FAM227B: variants seen among roughly 807,000 people sequenced by gnomAD.
FAM227B encodes the protein protein FAM227B.
Under a neutral mutation model 73.8 loss-of-function variants are expected in FAM227B, and 88 were observed. The observed-to-expected ratio is 1.19, with a 90% CI of 1.00 to 1.42. FAM227B has a LOEUF of 1.42. FAM227B is among the 40% of genes most tolerant of loss of function. The pLI is 0.00. For synonymous variants in FAM227B, 210 were observed against 190.5 expected, an observed-to-expected ratio of 1.10 and a Z score of -0.84; for missense variants, 632 against 590.9, an observed-to-expected ratio of 1.07 and a Z score of -0.72.
chr15:49,331,997 G>A (rs1370173989), intron 14 of FAM227B, 148 bp from the exon 15 acceptor site: 1 of 613,984 alleles, frequency 1.6e-6, no homozygotes, highest in Non-Finnish European at 2.9e-6. Context: ...TAAAACTTCT[G>A]AAGTAGGTAC....
chr15:49,461,659 A>G (rs1236899491), intron 11 of FAM227B, among the ~76,000 whole-genome samples: 5 of 152,234 alleles, frequency 3.3e-5, no homozygotes, highest in Admixed American at 2.6e-4. Context: ...CAGGTACAAT[A>G]TGTACATTCT....
intron 7 of FAM227B, among the ~76,000 whole-genome samples, chr15:49,575,469 A>C (rs2075386844): frequency 6.6e-6 from 1 of 152,060 alleles, no homozygotes; most frequent in Non-Finnish European, 1.5e-5. Flanking sequence ...TTTTCATCAG[A>C]AGTACTAGAT....
intron 8 of FAM227B, among the ~76,000 whole-genome samples, chr15:49,573,777 A>G (rs528563419): frequency 1.3e-5 from 2 of 152,332 alleles, no homozygotes; most frequent in South Asian, 4.1e-4. Context: ...ATAAATGTCA[A>G]TTAGTCAAGT....
At chr15:49,401,109 A>G (rs2048108553) in intron 11 of FAM227B, among the ~76,000 whole-genome samples, 1 of 152,282 alleles carries the variant, frequency 6.6e-6, no homozygotes, top group Admixed American at 6.5e-5. Context: ...CATCTGACAA[A>G]GGGCTAATAT....
intron 11 of FAM227B, among the ~76,000 whole-genome samples, chr15:49,497,530 C>T (rs1396778071): frequency 6.6e-6 from 1 of 152,192 alleles, no homozygotes; most frequent in African/African-American, 2.4e-5. Flanking sequence ...GAGGCACTCA[C>T]TGACCACTAA....
intron 5 of FAM227B, among the ~76,000 whole-genome samples, chr15:49,584,872 A>G (rs1218322574): frequency 1.3e-5 from 2 of 152,182 alleles, no homozygotes; most frequent in African/African-American, 4.8e-5. Flanking sequence ...GCTTCTGCAC[A>G]GCAAAAGAAA....
chr15:49,509,016 T>C (rs2058783938), intron 10 of FAM227B, among the ~76,000 whole-genome samples: 1 of 152,030 alleles, frequency 6.6e-6, no homozygotes, highest in African/African-American at 2.4e-5. Flanking sequence ...GGGAGAACTG[T>C]GGGGGAGAGT....
chr15:49,430,267 G>C lies in FAM227B; in HGVS notation c.1013-58868C>G, dbSNP rs569918939. Reference sequence around the variant, plus strand: ...CAGCCTCACAATGACAGGCAGGTCTGCATCTCTTCTGACACTTTAAAGTGG... The same window carrying C: ...CAGCCTCACAATGACAGGCAGGTCTCCATCTCTTCTGACACTTTAAAGTGG... On this transcript the variant is annotated intron_variant, in intron 11 of 15. Transcript: ENST00000299338. Among the ~76,000 whole-genome samples, 3 of 152,020 alleles carry C rather than the reference G, an allele frequency of 2.0e-5. No individual in the cohort carries two copies. In the East Asian group the frequency reaches 5.8e-4, roughly 30 times the overall value.
chr15:49,389,991 T>G (rs948689367), intron 11 of FAM227B, among the ~76,000 whole-genome samples: 1 of 151,950 alleles, frequency 6.6e-6, no homozygotes, highest in Non-Finnish European at 1.5e-5. Context: ...CTATGGAGAG[T>G]GTGGTAATCA....
At chr15:49,548,546 T>C (rs2072302708) in intron 9 of FAM227B, among the ~76,000 whole-genome samples, 1 of 152,170 alleles carries the variant, frequency 6.6e-6, no homozygotes. Flanking sequence ...GTAGAATGAG[T>C]TTGGGAGTAT....
At chr15:49,520,369 A>C (rs1430201382) in intron 10 of FAM227B, among the ~76,000 whole-genome samples, 1 of 152,118 alleles carries the variant, frequency 6.6e-6, no homozygotes, top group Non-Finnish European at 1.5e-5. Flanking sequence ...TGAGCCCTCC[A>C]AACTGTTTCA....
chr15:49,405,132 A>T (rs1487666585), intron 11 of FAM227B, among the ~76,000 whole-genome samples: 1 of 152,106 alleles, frequency 6.6e-6, no homozygotes, highest in Admixed American at 6.5e-5. Flanking sequence ...TGTTAGTCTT[A>T]TGGGCTTCCC....
chr15:49,606,441 T>G (rs1023094087), intron 3 of FAM227B, among the ~76,000 whole-genome samples: 1 of 152,230 alleles, frequency 6.6e-6, no homozygotes, highest in African/African-American at 2.4e-5. Flanking sequence ...TGATCAATCC[T>G]TTTATGTAAC....
intron 11 of FAM227B, among the ~76,000 whole-genome samples, chr15:49,473,501 G>C (rs2054971811): frequency 6.6e-6 from 1 of 152,064 alleles, no homozygotes; most frequent in Non-Finnish European, 1.5e-5. Context: ...CCAAGAATGG[G>C]TCTGGCAATA....
At chr15:49,407,916 CATAAA>C (rs941332615) in intron 11 of FAM227B, among the ~76,000 whole-genome samples, 1 of 151,966 alleles carries the variant, frequency 6.6e-6, no homozygotes, top group Non-Finnish European at 1.5e-5. Flanking sequence ...CTTTCTAGAA[CATAAA>C]ATGGAACCAT....
At chr15:49,533,024 C>T (rs538299689) in intron 10 of FAM227B, among the ~76,000 whole-genome samples, 4 of 151,904 alleles carry the variant, frequency 2.6e-5, no homozygotes, top group African/African-American at 7.2e-5. Flanking sequence ...GTGTCCCCCC[C>T]ACACTGCTCC....
intron 3 of FAM227B, among the ~76,000 whole-genome samples, chr15:49,610,460 A>G (rs1242147864): frequency 6.6e-6 from 1 of 151,696 alleles, no homozygotes; most frequent in Admixed American, 6.6e-5. Flanking sequence ...AACAAATATA[A>G]AAACAGAAGA....
intron 11 of FAM227B, among the ~76,000 whole-genome samples, chr15:49,468,795 C>A (rs1016993532): frequency 2.6e-5 from 4 of 152,176 alleles, no homozygotes; most frequent in African/African-American, 9.6e-5. Context: ...AGTTAATGGT[C>A]CTATCCCAAT....
intron 11 of FAM227B, among the ~76,000 whole-genome samples, chr15:49,374,078 G>A (rs1567175001): frequency 6.6e-6 from 1 of 152,050 alleles, no homozygotes; most frequent in Non-Finnish European, 1.5e-5. Context: ...TTGGGTAACT[G>A]GTTTTTCCAT....
Sources: gnomAD v4.1 joint callset for allele counts (sites outside exome capture counted in the v4.1 genomes callset) on GRCh38, gnomAD v4.1.1 for gene constraint, MANE v1.5 for transcripts, NCBI Gene and HGNC (gene_info 2026-07-23, HGNC 2026-07-21) for gene names.